SCFD2: variants seen among roughly 807,000 people sequenced by gnomAD.
SCFD2 encodes sec1 family domain containing 2, also known as sec1 family domain-containing protein 2.
Under a neutral mutation model 58.9 loss-of-function variants are expected in SCFD2, and 54 were observed. The ratio of observed to expected loss-of-function variants is 0.92; its 90% confidence interval spans 0.74 to 1.15. The LOEUF is 1.15. Ranked by LOEUF, SCFD2 falls within the 50% of genes most tolerant of loss-of-function variation. The pLI, the probability that SCFD2 is intolerant of heterozygous loss-of-function variation, is 0.00. For synonymous variants in SCFD2, 321 were observed against 335.9 expected (o/e 0.96, Z 0.49); for missense variants, 805 against 836.6 (o/e 0.96, Z 0.47).
intron 4 of SCFD2, among the ~76,000 whole-genome samples, chr4:53,241,372 C>T (rs1301584374): frequency 6.6e-6 from 1 of 152,184 alleles, no homozygotes; most frequent in East Asian, 1.9e-4. Context: ...CTGAACTCTG[C>T]AAGGCAGTCT....
chr4:53,212,633 G>A (rs1461742549), intron 4 of SCFD2, among the ~76,000 whole-genome samples: 16 of 149,316 alleles, frequency 1.1e-4, no homozygotes, highest in Admixed American at 5.3e-4. Context: ...GTGTGTTGAC[G>A]TGGAAGGGAT....
chr4:53,283,528 T>C (rs1731569989), intron 3 of SCFD2, among the ~76,000 whole-genome samples: 1 of 152,166 alleles, frequency 6.6e-6, no homozygotes, highest in Non-Finnish European at 1.5e-5. Flanking sequence ...ACTGTCAGTT[T>C]TCCATGGTTG....
intron 3 of SCFD2, among the ~76,000 whole-genome samples, chr4:53,274,566 T>A (rs1731272676): frequency 6.6e-6 from 1 of 152,122 alleles, no homozygotes; most frequent in Non-Finnish European, 1.5e-5. Flanking sequence ...AGAGGAGGTA[T>A]CAGAAGAAAG....
intron 3 of SCFD2, among the ~76,000 whole-genome samples, chr4:53,290,354 C>T (rs530242468): frequency 6.6e-6 from 1 of 151,952 alleles, no homozygotes; most frequent in African/African-American, 2.4e-5. Context: ...ATGAAAATTA[C>T]ACAACATGCT....
At chr4:53,003,822 A>T (rs1156718482) in intron 5 of SCFD2, among the ~76,000 whole-genome samples, 5 of 152,212 alleles carry the variant, frequency 3.3e-5, no homozygotes, top group Non-Finnish European at 7.3e-5. Flanking sequence ...TTCAAAGTTA[A>T]ATCACAACCT....
chr4:53,288,168 C>T (rs1731730040), intron 3 of SCFD2, among the ~76,000 whole-genome samples: 1 of 151,790 alleles, frequency 6.6e-6, no homozygotes, highest in African/African-American at 2.4e-5. Context: ...TCTGTGAACT[C>T]GAAGACAGTT....
In SCFD2 at chr4:52,873,726, G is replaced by C. The variant is rs534424358; in HGVS notation, c.*243C>G. 3 of 331,922 alleles carry C rather than the reference G, an allele frequency of 9.0e-6. No homozygotes were observed. The South Asian group carries it at 1.6e-4, about 17-fold the overall frequency. 20.6% of individuals were successfully genotyped at this position (331,922 alleles called of 1,614,324 possible). A position where few individuals can be genotyped will look rare whatever the true frequency, so the allele number is the denominator to read the frequency against. On this transcript the variant is annotated 3_prime_UTR_variant, in exon 9 of 9. Transcript: ENST00000401642. ...GATAAATGGAAACGATCACTAATTG[G>C]ACTCGCCAAAAGACAGACTGTCGCC...
chr4:53,173,919 TA>T (rs755900284), intron 4 of SCFD2, among the ~76,000 whole-genome samples: 19 of 152,146 alleles, frequency 1.2e-4, no homozygotes, highest in Non-Finnish European at 1.5e-5. Context: ...ATGTCTTCAA[TA>T]GCAGAATTAT....
intron 5 of SCFD2, among the ~76,000 whole-genome samples, chr4:53,115,085 A>G (rs1055482441): frequency 6.6e-6 from 1 of 152,142 alleles, no homozygotes; most frequent in African/African-American, 2.4e-5. Context: ...TGAAAATTAG[A>G]AGGGATAATC....
intron 4 of SCFD2, among the ~76,000 whole-genome samples, chr4:53,239,187 C>T (rs1181116777): frequency 1.3e-4 from 19 of 151,874 alleles, no homozygotes; most frequent in African/African-American, 3.6e-4. Context: ...AGCGAAACCC[C>T]GTCTCCACCA....
At chr4:53,294,855 A>C (rs1204286427) in intron 3 of SCFD2, among the ~76,000 whole-genome samples, 2 of 152,154 alleles carry the variant, frequency 1.3e-5, no homozygotes, top group Admixed American at 6.5e-5. Flanking sequence ...CTTTCTGCAT[A>C]TGGCTAGCCA....
In SCFD2 at chr4:53,110,061, A is replaced by T. The variant is rs568545619; in HGVS notation, c.1561+35272T>A. The stretch of plus-strand genomic sequence containing the variant: ...CCAATGGAACAGAACAGAACAGAAC[A>T]GAACAGAGGCCTCAGAAATAACACG... On this transcript the variant is annotated intron_variant, in intron 5 of 8. Coordinates refer to ENST00000401642, the MANE Select transcript of SCFD2 (RefSeq NM_152540.4). Among the ~76,000 whole-genome samples, 3 of 139,206 alleles carry T rather than the reference A, an allele frequency of 2.2e-5. No homozygotes were observed. The East Asian group carries it at 6.5e-4, about 30-fold the overall frequency. The allele number at this position is 139,206 out of a possible 152,430, so 91.3% of individuals were successfully genotyped here. A position where few individuals can be genotyped will look rare whatever the true frequency, so the allele number is the denominator to read the frequency against.
At chr4:53,342,205 C>T (rs1299812599) in intron 2 of SCFD2, among the ~76,000 whole-genome samples, 1 of 152,038 alleles carries the variant, frequency 6.6e-6, no homozygotes, top group African/African-American at 2.4e-5. Flanking sequence ...GCTGTATTCA[C>T]GAGACCCAAC....
intron 5 of SCFD2, among the ~76,000 whole-genome samples, chr4:53,030,472 G>T (rs899746746): frequency 6.6e-5 from 10 of 151,860 alleles, no homozygotes; most frequent in African/African-American, 1.9e-4. Context: ...ACCCAGGCTG[G>T]AGTGCAGTGG....
intron 5 of SCFD2, among the ~76,000 whole-genome samples, chr4:53,008,868 A>G (rs1482666951): frequency 6.6e-6 from 1 of 152,216 alleles, no homozygotes; most frequent in Non-Finnish European, 1.5e-5. Context: ...ACTATCATGC[A>G]GAACGATCTG....
intron 5 of SCFD2, among the ~76,000 whole-genome samples, chr4:52,961,622 G>A (rs1019108631): frequency 3.9e-5 from 6 of 152,310 alleles, no homozygotes; most frequent in African/African-American, 1.2e-4. Flanking sequence ...ACTTGGCAGA[G>A]GATGGGAGGG....
At chr4:52,949,031 G>A (rs1720517062) in intron 5 of SCFD2, 1 of 153,182 alleles carries the variant, frequency 6.5e-6, no homozygotes, top group South Asian at 2.0e-4. Context: ...GACTGGACTG[G>A]ATAGATGTTG....
intron 7 of SCFD2, among the ~76,000 whole-genome samples, chr4:52,905,360 G>A (rs2109469561): frequency 6.6e-6 from 1 of 152,338 alleles, no homozygotes; most frequent in African/African-American, 2.4e-5. Context: ...GGAATTGTAG[G>A]AGGGTTCAGC....
intron 4 of SCFD2, among the ~76,000 whole-genome samples, chr4:53,251,132 G>C (rs1434341386): frequency 1.3e-5 from 2 of 152,144 alleles, no homozygotes; most frequent in African/African-American, 4.8e-5. Context: ...AGAAAATCTA[G>C]AAGAAATGGA....
Sources: gnomAD v4.1 joint callset for allele counts (sites outside exome capture counted in the v4.1 genomes callset) on GRCh38, gnomAD v4.1.1 for gene constraint, MANE v1.5 for transcripts, NCBI Gene and HGNC (gene_info 2026-07-23, HGNC 2026-07-21) for gene names.